USP6NL: variants seen among roughly 807,000 people sequenced by gnomAD.
USP6NL encodes USP6 N-terminal like, also known as USP6 N-terminal-like protein.
USP6NL carries 26 observed loss-of-function variants against 61.9 expected under a neutral mutation model. That is an observed-to-expected ratio of 0.42 (90% confidence interval 0.31 to 0.58). The LOEUF (loss-of-function observed/expected upper bound fraction) is 0.58, where lower values mean the gene tolerates loss of function less well. USP6NL is among the 20% of genes least tolerant of loss of function. USP6NL has a pLI of 0.16. For synonymous variants in USP6NL, 432 were observed against 390.1 expected, an observed-to-expected ratio of 1.11 and a Z score of -1.27; for missense variants, 1,114 against 1,034.3, an observed-to-expected ratio of 1.08 and a Z score of -1.06.
In USP6NL at chr10:11,597,983, C is replaced by T. The variant is rs1838384628; in HGVS notation, c.-83-266G>A. On this transcript the variant is annotated intron_variant, in intron 1 of 14. Transcript: ENST00000609104. This position sits in a 1 kb window ranked among gnomAD's most constrained non-coding sequence, Gnocchi z 4.6. ...CACATAGAAACTTACTAACAGGTGTCCTTCGTCTTCAACACTAAAAACATT... is the reference window on the plus strand; with the variant it reads ...CACATAGAAACTTACTAACAGGTGTTCTTCGTCTTCAACACTAAAAACATT... Among the ~76,000 whole-genome samples, 1 of 152,130 alleles carries T rather than the reference C, an allele frequency of 6.6e-6. No homozygotes were observed.
rs920423881 is a variant in USP6NL, at chr10:11,597,007, G to A, written c.4+624C>T. On this transcript the variant is annotated intron_variant, in intron 2 of 14. Coordinates refer to ENST00000609104, the MANE Select transcript of USP6NL (RefSeq NM_014688.5). This position sits in a 1 kb window ranked among gnomAD's most constrained non-coding sequence, Gnocchi z 4.6. ...AAATCTCCATATAATCCCAGTTAGG[G>A]TAAAATCTCAATTCTTTTCCCACCC... Among the ~76,000 whole-genome samples, 13 of 152,126 alleles carry A rather than the reference G, an allele frequency of 8.5e-5. No homozygotes were observed. The highest frequency in any genetic ancestry group is 3.4e-3 in the Middle Eastern group (1 of 294).
At chr10:11,544,521 CTT>C (rs1836200248) in intron 2 of USP6NL, among the ~76,000 whole-genome samples, 2 of 151,948 alleles carry the variant, frequency 1.3e-5, no homozygotes, top group African/African-American at 2.4e-5. Context: ...GAATTTCGCT[CTT>C]GTCGCACAGG....
chr10:11,509,705 G>A, intron 5 of USP6NL, 30 bp from the exon 6 acceptor site: 1 of 1,513,042 alleles, frequency 6.6e-7, no homozygotes, highest in Non-Finnish European at 8.9e-7. Context: ...CATTGTTATT[G>A]TTGTTCGTTT....
At chr10:11,497,318 G>A (rs1338099676) in intron 7 of USP6NL, among the ~76,000 whole-genome samples, 2 of 150,758 alleles carry the variant, frequency 1.3e-5, no homozygotes, top group African/African-American at 4.9e-5. Context: ...GGCTGAGGCA[G>A]GAGAATGGTG....
intron 6 of USP6NL, among the ~76,000 whole-genome samples, chr10:11,508,850 ATCTG>A (rs1834573789): frequency 6.6e-6 from 1 of 152,224 alleles, no homozygotes; most frequent in African/African-American, 2.4e-5. Flanking sequence ...AGCACTGGGT[ATCTG>A]GCAGACATTA....
chr10:11,509,004 T>C (rs981262943), intron 6 of USP6NL, among the ~76,000 whole-genome samples: 2 of 152,236 alleles, frequency 1.3e-5, no homozygotes, highest in African/African-American at 4.8e-5. Context: ...TGACATCTTC[T>C]CACTGTTTAA....
chr10:11,600,291 G>A lies in USP6NL; in HGVS notation c.-83-2574C>T, dbSNP rs1261549855. ...GAATGGTTCTAACTGGAGGCTTGAG[G>A]AGCACTGAGGCAGCCTGCCTTCCCT... is the stretch of plus-strand genomic sequence containing the variant. On this transcript the variant is annotated intron_variant, in intron 1 of 14. Transcript: ENST00000609104. This position sits in a 1 kb window ranked among gnomAD's most constrained non-coding sequence, Gnocchi z 4.1. Among the ~76,000 whole-genome samples, 1 of 152,172 alleles carries A rather than the reference G, an allele frequency of 6.6e-6. No homozygotes were observed. Among genetic ancestry groups the A allele is most frequent in the African/African-American group, 2.4e-5 (1 of 41,442 alleles).
At chr10:11,573,426 A>G in intron 2 of USP6NL, 1 of 385,476 alleles carries the variant, frequency 2.6e-6, no homozygotes, top group Non-Finnish European at 4.6e-6. Flanking sequence ...AAAAACAGTA[A>G]TAATGAGGCA....
chr10:11,546,966 G>A (rs936710092), intron 2 of USP6NL, among the ~76,000 whole-genome samples: 5 of 152,066 alleles, frequency 3.3e-5, no homozygotes, highest in African/African-American at 1.2e-4. Flanking sequence ...TCCCCAAATC[G>A]ACAGCCAATA....
At chr10:11,570,115 CAAACAAT>C (rs1837304065) in intron 2 of USP6NL, among the ~76,000 whole-genome samples, 1 of 152,158 alleles carries the variant, frequency 6.6e-6, no homozygotes, top group African/African-American at 2.4e-5. Flanking sequence ...GTCACCTCAT[CAAACAAT>C]TTAATTCCTT....
chr10:11,512,809 G>C (rs1245293971), intron 5 of USP6NL, among the ~76,000 whole-genome samples: 1 of 152,172 alleles, frequency 6.6e-6, no homozygotes, highest in Non-Finnish European at 1.5e-5. Context: ...ATCGCTCCAT[G>C]TTCCAAGCAA....
Position 11,485,265 on chromosome 10 carries a change from A to T in USP6NL, c.760-31T>A, listed in dbSNP as rs1833411076. On this transcript the variant is annotated intron_variant, in intron 11 of 14. Coordinates refer to ENST00000609104, the MANE Select transcript of USP6NL (RefSeq NM_014688.5). The surrounding 1 kb of genome is among the most constrained non-coding windows in gnomAD (Gnocchi z 4.8). Reference sequence around the variant, plus strand: ...AAAACAAAGAGCTCACAATTTATGGATTGTAGCAAACTAAATTTAACAAAA... The same window carrying T: ...AAAACAAAGAGCTCACAATTTATGGTTTGTAGCAAACTAAATTTAACAAAA... 3 of 1,492,650 alleles carry T rather than the reference A, an allele frequency of 2.0e-6. No individual in the cohort carries two copies. In the East Asian group the frequency reaches 7.4e-5, roughly 37 times the overall value. 92.5% of individuals were successfully genotyped at this position (1,492,650 alleles called of 1,614,324 possible).
At position 11,528,698 on chromosome 10, in the gene USP6NL, T is replaced by C. The variant is rs1835522782; in HGVS notation, c.5-1131A>G. Among the ~76,000 whole-genome samples the C allele has an allele frequency of 3.3e-5, 5 of 152,208 alleles. No homozygotes were observed. Among genetic ancestry groups the C allele is most frequent in the Admixed American group, 2.6e-4 (4 of 15,286 alleles). The stretch of plus-strand genomic sequence containing the variant: ...ATGAAAAAGGACTTCCAGTTACCGA[T>C]GGCAGATGGAACATATGCTTTTACC... On this transcript the variant is annotated intron_variant, in intron 2 of 14. Transcript: ENST00000609104. This position sits in a 1 kb window ranked among gnomAD's most constrained non-coding sequence, Gnocchi z 4.6.
At chr10:11,606,017 C>T (rs567284205) in intron 1 of USP6NL, among the ~76,000 whole-genome samples, 2 of 151,980 alleles carry the variant, frequency 1.3e-5, no homozygotes, top group African/African-American at 2.4e-5. Flanking sequence ...TATCAAAATG[C>T]CCCATATATC....
chr10:11,559,527 C>T (rs903714138), intron 2 of USP6NL, among the ~76,000 whole-genome samples: 1 of 151,962 alleles, frequency 6.6e-6, no homozygotes, highest in Non-Finnish European at 1.5e-5. Flanking sequence ...AGTCTCGTTT[C>T]GACCTTTATT....
chr10:11,584,094 A>G (rs1837886175), intron 2 of USP6NL, among the ~76,000 whole-genome samples: 2 of 152,014 alleles, frequency 1.3e-5, no homozygotes. Flanking sequence ...GTGTGCCTGT[A>G]GTCCCAGCTA....
At chr10:11,565,282 A>G (rs1375988222) in intron 2 of USP6NL, 2 of 152,216 alleles carry the variant, frequency 1.3e-5, no homozygotes, top group Non-Finnish European at 2.9e-5. Flanking sequence ...ACATAGAGCA[A>G]ATCAAAGAAC....
At position 11,490,738 on chromosome 10, in the gene USP6NL, T is replaced by C; in HGVS notation, c.543+94A>G. On this transcript the variant is annotated intron_variant, in intron 9 of 14. Transcript: ENST00000609104. This position sits in a 1 kb window ranked among gnomAD's most constrained non-coding sequence, Gnocchi z 4.5. ...AAAGAGACCATGGAGACCACCTAGCTCTGAGATGCAGAAATGTGCCCACAG... is the reference window on the plus strand; with the variant it reads ...AAAGAGACCATGGAGACCACCTAGCCCTGAGATGCAGAAATGTGCCCACAG... 1 of 1,255,344 alleles carries C rather than the reference T, an allele frequency of 8.0e-7. No individual in the cohort carries two copies. The highest frequency in any genetic ancestry group is 1.1e-6 in the Non-Finnish European group (1 of 900,424). 77.8% of individuals were successfully genotyped at this position (1,255,344 alleles called of 1,614,324 possible).
At position 11,474,956 on chromosome 10, in the gene USP6NL, G is replaced by A. The variant is rs1455418838; in HGVS notation, c.1078+6814C>T. 6.6e-6 allele frequency among the ~76,000 whole-genome samples: 1 copy of A among 152,166 alleles called. No homozygotes were observed. Among genetic ancestry groups the A allele is most frequent in the Non-Finnish European group, 1.5e-5 (1 of 68,030 alleles). ...CCCGTAAGCACTGAAGTACCCCGAAGGCTATGGCCATTTACCAAGACTAAA... is the reference window on the plus strand; with the variant it reads ...CCCGTAAGCACTGAAGTACCCCGAAAGCTATGGCCATTTACCAAGACTAAA... On this transcript the variant is annotated intron_variant, in intron 14 of 14. Transcript: ENST00000609104. This position sits in a 1 kb window ranked among gnomAD's most constrained non-coding sequence, Gnocchi z 4.9.
Sources: gnomAD v4.1 joint callset for allele counts (sites outside exome capture counted in the v4.1 genomes callset) on GRCh38, gnomAD v4.1.1 for gene constraint, Gnocchi (gnomAD v3.1) non-coding constraint, MANE v1.5 for transcripts, NCBI Gene and HGNC (gene_info 2026-07-23, HGNC 2026-07-21) for gene names.